The following PRKG1 variants were observed in gnomAD, a reference collection of about 807,000 sequenced individuals.
The protein encoded by PRKG1 is cGMP-dependent protein kinase 1.
Under a neutral mutation model 88.1 loss-of-function variants are expected in PRKG1, and 35 were observed. The observed-to-expected ratio is 0.40, with a 90% CI of 0.30 to 0.53. PRKG1 has a LOEUF of 0.53. Among genes scored for constraint, PRKG1 ranks in the 20% least tolerant of loss-of-function variants. PRKG1 has a pLI of 0.59. For synonymous variants in PRKG1, 303 were observed against 292.5 expected (o/e 1.04, Z -0.37); for missense variants, 540 against 839.8 (o/e 0.64, Z 4.41).
At chr10:51,656,660 C>T (rs1285172902) in intron 3 of PRKG1, among the ~76,000 whole-genome samples, 1 of 152,032 alleles carries the variant, frequency 6.6e-6, no homozygotes, top group African/African-American at 2.4e-5. Context: ...TCTTAAACAC[C>T]ACTCCCAGAT....
intron 3 of PRKG1, among the ~76,000 whole-genome samples, chr10:51,613,066 G>T (rs1838952963): frequency 6.6e-6 from 1 of 151,736 alleles, no homozygotes; most frequent in African/African-American, 2.4e-5. Context: ...TACGGTATTG[G>T]CCTGTAGTTT....
intron 1 of PRKG1, 67 bp from the exon 2 acceptor site, chr10:51,153,097 G>A: frequency 1.3e-6 from 2 of 1,491,292 alleles, no homozygotes; most frequent in South Asian, 2.6e-5. Flanking sequence ...CTATGGCGCT[G>A]CTAAACCTCA....
chr10:51,770,030 T>C (rs2132543378), intron 3 of PRKG1, among the ~76,000 whole-genome samples: 1 of 152,364 alleles, frequency 6.6e-6, no homozygotes, highest in South Asian at 2.1e-4. Flanking sequence ...TGTATGTCTG[T>C]ACGACAGTTT....
At chr10:51,069,640 A>T (rs963706579), upstream of PRKG1, among the ~76,000 whole-genome samples, 1 of 152,124 alleles carries the variant, frequency 6.6e-6, no homozygotes, top group African/African-American at 2.4e-5. Context: ...ATTAACACAA[A>T]GTAATGTATA....
chr10:51,710,183 GGC>G (rs1841708800), intron 3 of PRKG1, among the ~76,000 whole-genome samples: 1 of 152,004 alleles, frequency 6.6e-6, no homozygotes, highest in African/African-American at 2.4e-5. Context: ...TTGAGTCTCT[GGC>G]AGAACAGCTG....
rs373015070 is a variant in PRKG1 at position 52,062,640 on chromosome 10, A to C, written c.935+9A>C. On this transcript the variant is annotated intron_variant, in intron 7 of 17. Transcript: ENST00000373980. Reference sequence around the variant, plus strand: ...GAGAAAGCCTTGCAGGGGTAAGTAGATCATGTGTTATACAGGTTTTTGTTT... The same window carrying C: ...GAGAAAGCCTTGCAGGGGTAAGTAGCTCATGTGTTATACAGGTTTTTGTTT... 6.4e-7 allele frequency: 1 copy of C among 1,570,988 alleles called. No homozygotes were observed. The highest frequency in any genetic ancestry group is 1.4e-5 in the African/African-American group (1 of 73,022).
At chr10:52,141,802 G>A (rs531161400) in intron 8 of PRKG1, among the ~76,000 whole-genome samples, 1 of 152,244 alleles carries the variant, frequency 6.6e-6, no homozygotes, top group South Asian at 2.1e-4. Context: ...AGAGATTTAA[G>A]AAGGAGAAGT....
rs556116545 is a variant in PRKG1 at position 51,883,135 on chromosome 10, T to A, written c.699-24372T>A. ...CAAACTGTCTCTTCCTGAGGGACAT[T>A]CATCTTCTGTCTTCAAACATCAGCA... is the stretch of plus-strand genomic sequence containing the variant. On this transcript the variant is annotated intron_variant, in intron 4 of 17. Coordinates refer to ENST00000373980, the MANE Select transcript of PRKG1 (RefSeq NM_006258.4). 4.3e-4 allele frequency among the ~76,000 whole-genome samples: 66 copies of A among 152,304 alleles called. No homozygotes were observed. The South Asian group carries it at 0.013, about 30-fold the overall frequency.
intron 2 of PRKG1, among the ~76,000 whole-genome samples, chr10:51,453,995 A>C (rs10997614): frequency 0.033 from 4,980 of 152,150 alleles, 138 homozygotes; most frequent in Non-Finnish European, 0.051. Flanking sequence ...ACCATTTTAC[A>C]ACAGCTGCTC....
chr10:51,464,832 A>G (rs1337182141), intron 2 of PRKG1, among the ~76,000 whole-genome samples: 2 of 146,756 alleles, frequency 1.4e-5, no homozygotes, highest in Non-Finnish European at 3.0e-5. Flanking sequence ...CGGAGCTTGC[A>G]GTGAGCCGAG....
chr10:52,104,467 T>G (rs1175099565), intron 7 of PRKG1, among the ~76,000 whole-genome samples: 3 of 152,002 alleles, frequency 2.0e-5, no homozygotes, highest in Non-Finnish European at 2.9e-5. Flanking sequence ...GAAATGACAG[T>G]TATCATTTGC....
intron 1 of PRKG1, among the ~76,000 whole-genome samples, chr10:51,044,883 G>A (rs1009873610): frequency 2.9e-4 from 44 of 152,256 alleles, no homozygotes; most frequent in Admixed American, 1.0e-3. Flanking sequence ...TTATCATGAT[G>A]CCTTTTTCTT....
At chr10:51,604,816 T>G (rs1303269457) in intron 3 of PRKG1, among the ~76,000 whole-genome samples, 2 of 152,284 alleles carry the variant, frequency 1.3e-5, no homozygotes, top group East Asian at 3.9e-4. Flanking sequence ...AAAGCCCAAG[T>G]GGGCGTGTGT....
At chr10:51,105,535 C>A (rs1419236776) in intron 1 of PRKG1, among the ~76,000 whole-genome samples, 2 of 152,070 alleles carry the variant, frequency 1.3e-5, no homozygotes, top group Admixed American at 6.5e-5. Context: ...CTAAAATCTA[C>A]AATATTGAGT....
intron 3 of PRKG1, among the ~76,000 whole-genome samples, chr10:51,752,317 A>C (rs1837748520): frequency 6.6e-6 from 1 of 152,210 alleles, no homozygotes; most frequent in African/African-American, 2.4e-5. Context: ...AAAACTGCTG[A>C]AGTATGAAAA....
chr10:51,221,613 TA>T (rs566865643), intron 2 of PRKG1, among the ~76,000 whole-genome samples: 2,849 of 126,596 alleles, frequency 0.023, 33 homozygotes, highest in Middle Eastern at 0.06. Context: ...CAATGTGTTC[TA>T]AAAAAAAAAA....
chr10:52,023,337 C>G (rs1304943635), intron 5 of PRKG1, among the ~76,000 whole-genome samples: 3 of 152,134 alleles, frequency 2.0e-5, no homozygotes, highest in African/African-American at 7.2e-5. Flanking sequence ...TGGGTTGGTT[C>G]CAAGTCTTTG....
intron 2 of PRKG1, among the ~76,000 whole-genome samples, chr10:51,203,822 TTTCCTCC>T (rs753775415): frequency 6.6e-6 from 1 of 152,242 alleles, no homozygotes; most frequent in Non-Finnish European, 1.5e-5. Flanking sequence ...CTTGCTGATA[TTTCCTCC>T]TCAGGGACAA....
At chr10:51,859,818 C>T (rs768693231) in intron 4 of PRKG1, among the ~76,000 whole-genome samples, 4 of 152,142 alleles carry the variant, frequency 2.6e-5, no homozygotes, top group Admixed American at 6.6e-5. Flanking sequence ...TTGCTTGAAT[C>T]GCTGTTCCAA....
Sources: allele counts gnomAD v4.1 joint callset (sites outside exome capture counted in the v4.1 genomes callset), GRCh38; gene constraint gnomAD v4.1.1; transcripts MANE v1.5; gene names NCBI Gene and HGNC (gene_info 2026-07-23, HGNC 2026-07-21).